The following CD48 variants were observed in gnomAD, a reference collection of about 807,000 sequenced individuals.
CD48 encodes the protein CD48 antigen.
CD48 carries 20 observed loss-of-function variants against 22.0 expected under a neutral mutation model. The observed-to-expected ratio is 0.91, with a 90% CI of 0.64 to 1.32. The LOEUF is 1.32. Among genes scored for constraint, CD48 ranks in the 40% most tolerant of loss-of-function variants. CD48 has a pLI of 0.00. For missense variants in CD48, 307 were observed against 286.5 expected, an observed-to-expected ratio of 1.07 and a Z score of -0.52; for synonymous variants, 110 against 110.1, an observed-to-expected ratio of 1.00 and a Z score of 0.01.
At chr1:160,707,073 C>T (rs1228089685) in intron 1 of CD48, among the ~76,000 whole-genome samples, 1 of 152,088 alleles carries the variant, frequency 6.6e-6, no homozygotes, top group South Asian at 2.1e-4. Context: ...ATTTAACAAG[C>T]CTGTACAACC....
intron 1 of CD48, among the ~76,000 whole-genome samples, chr1:160,691,096 C>T (rs1481157242): frequency 6.6e-6 from 1 of 152,198 alleles, no homozygotes; most frequent in Admixed American, 6.5e-5. Context: ...CTGCAGGGGC[C>T]TCTGCCTAGG....
At chr1:160,680,038 A>T (rs1034390338) in intron 3 of CD48, among the ~76,000 whole-genome samples, 1 of 152,210 alleles carries the variant, frequency 6.6e-6, no homozygotes, top group South Asian at 2.1e-4. Context: ...CAGTCTCCGT[A>T]GTCCACATGT....
chr1:160,711,779 T>C lies in CD48; in HGVS notation c.-16A>G. ...TGGAGCACATGCTTCCTTCCAGAAC[T>C]TCCCAGCAACGCAGGAGACAGTTGA... is the stretch of plus-strand genomic sequence containing the variant. On this transcript the variant is annotated 5_prime_UTR_variant, in exon 1 of 4. Transcript: ENST00000368046. 1 of 1,606,204 alleles carries C rather than the reference T, an allele frequency of 6.2e-7. No individual in the cohort carries two copies. Among genetic ancestry groups the C allele is most frequent in the East Asian group, 2.2e-5 (1 of 44,798 alleles).
At chr1:160,684,843 G>C in intron 2 of CD48, 44 bp downstream of exon 2, 1 of 1,613,962 alleles carries the variant, frequency 6.2e-7, no homozygotes, top group Non-Finnish European at 8.5e-7. Flanking sequence ...GGTCCATCTG[G>C]GGCCACTGGA....
At chr1:160,702,658 A>G (rs961010566) in intron 1 of CD48, among the ~76,000 whole-genome samples, 62 of 152,124 alleles carry the variant, frequency 4.1e-4, no homozygotes, top group African/African-American at 1.4e-3. Context: ...AATATGACCA[A>G]GTTGGCCACA....
chr1:160,682,283 T>TAA (rs56031713), intron 2 of CD48, among the ~76,000 whole-genome samples: 3,576 of 138,696 alleles, frequency 0.026, 78 homozygotes, highest in South Asian at 0.092. Context: ...ACTCAGTTTC[T>TAA]AAAAAAAAAA....
intron 1 of CD48, among the ~76,000 whole-genome samples, chr1:160,700,868 G>A (rs771071516): frequency 1.5e-4 from 23 of 152,100 alleles, no homozygotes; most frequent in Non-Finnish European, 3.2e-4. Flanking sequence ...GTGGTCTGAT[G>A]AATTTTATCT....
At chr1:160,681,137 C>CTT (rs1472226694) in intron 3 of CD48, 65 bp downstream of exon 3, 1 of 1,612,714 alleles carries the variant, frequency 6.2e-7, no homozygotes, top group South Asian at 1.1e-5. Flanking sequence ...GACCCCCAGC[C>CTT]TTTCTTTGTT....
chr1:160,685,420 T>C (rs978178292), intron 1 of CD48, among the ~76,000 whole-genome samples: 2 of 152,166 alleles, frequency 1.3e-5, no homozygotes, highest in Non-Finnish European at 2.9e-5. Flanking sequence ...AATCTAGTAC[T>C]GTCCCCAGAA....
intron 1 of CD48, among the ~76,000 whole-genome samples, chr1:160,694,875 A>G (rs1662355613): frequency 6.6e-6 from 1 of 152,258 alleles, no homozygotes; most frequent in Admixed American, 6.5e-5. Flanking sequence ...TACATTTATT[A>G]GCAAATGAAC....
chr1:160,697,412 C>G (rs1319405841), intron 1 of CD48, among the ~76,000 whole-genome samples: 2 of 152,396 alleles, frequency 1.3e-5, no homozygotes, highest in South Asian at 2.1e-4. Flanking sequence ...CACAGATGAT[C>G]GCTGCCCTGC....
At chr1:160,703,804 A>G (rs1662707473) in intron 1 of CD48, among the ~76,000 whole-genome samples, 1 of 152,140 alleles carries the variant, frequency 6.6e-6, no homozygotes, top group Admixed American at 6.5e-5. Flanking sequence ...CCAAGAGGGT[A>G]TCTGGGGTAG....
At chr1:160,700,218 CT>C (rs1363703806) in intron 1 of CD48, among the ~76,000 whole-genome samples, 3 of 152,150 alleles carry the variant, frequency 2.0e-5, no homozygotes, top group Non-Finnish European at 4.4e-5. Flanking sequence ...GAGGAACCAC[CT>C]AAGAAGTCAT....
At position 160,700,034 on chromosome 1, in the gene CD48, G is replaced by T. The variant is rs536503791; in HGVS notation, c.82+11648C>A. On this transcript the variant is annotated intron_variant, in intron 1 of 3. Coordinates refer to ENST00000368046, the MANE Select transcript of CD48 (RefSeq NM_001778.4). ...CCCCTTCATGAGACAATATTTAAAGGTTTGGGGAAATCCTGTAAGGCAGTA... is the reference window on the plus strand; with the variant it reads ...CCCCTTCATGAGACAATATTTAAAGTTTTGGGGAAATCCTGTAAGGCAGTA... 4.6e-5 allele frequency among the ~76,000 whole-genome samples: 7 copies of T among 152,244 alleles called. No individual in the cohort carries two copies. The East Asian group carries it at 1.4e-3, about 29-fold the overall frequency.
intron 1 of CD48, among the ~76,000 whole-genome samples, chr1:160,696,482 C>A (rs1292059473): frequency 1.3e-5 from 2 of 152,250 alleles, no homozygotes; most frequent in African/African-American, 2.4e-5. Context: ...GTATCATCTG[C>A]ATTCATAAAA....
At chr1:160,694,825 G>A (rs900306826) in intron 1 of CD48, among the ~76,000 whole-genome samples, 8 of 152,300 alleles carry the variant, frequency 5.3e-5, no homozygotes, top group African/African-American at 1.9e-4. Context: ...ACTGGTGTGG[G>A]TAAATCAGTG....
intron 1 of CD48, among the ~76,000 whole-genome samples, chr1:160,704,300 C>T (rs1183100256): frequency 6.6e-6 from 1 of 152,216 alleles, no homozygotes; most frequent in Non-Finnish European, 1.5e-5. Flanking sequence ...ACATCCCCTT[C>T]ATCACATTTC....
In CD48 at chr1:160,681,452, A is replaced by T; in HGVS notation, c.402T>A (p.Pro134=). Reference sequence around the variant, plus strand: ...CTTCTATCTTCTCAATTTTGATGACAGGCTTGGGTACAGGGTCTGAAAGTG... The same window carrying T: ...CTTCTATCTTCTCAATTTTGATGACTGGCTTGGGTACAGGGTCTGAAAGTG... ...KLQVLDPVPK[P]VIKIEKIEDM... Residue 134 remains proline (P), a synonymous_variant, in exon 3 of 4, where the codon CCT becomes CCA. Coordinates refer to ENST00000368046, the MANE Select transcript of CD48 (RefSeq NM_001778.4). 1 of 1,614,060 alleles carries T rather than the reference A, an allele frequency of 6.2e-7. No homozygotes were observed. The highest frequency in any genetic ancestry group is 8.5e-7 in the Non-Finnish European group (1 of 1,179,946).
chr1:160,690,995 T>G (rs906766497), intron 1 of CD48, among the ~76,000 whole-genome samples: 6 of 152,206 alleles, frequency 3.9e-5, no homozygotes, highest in African/African-American at 1.4e-4. Context: ...AGATGTGCTT[T>G]GTTAAACAGA....
Sources: allele counts gnomAD v4.1 joint callset (sites outside exome capture counted in the v4.1 genomes callset), GRCh38; gene constraint gnomAD v4.1.1; transcripts MANE v1.5; gene names NCBI Gene and HGNC (gene_info 2026-07-23, HGNC 2026-07-21).